PXDNL: variants seen among roughly 807,000 people sequenced by gnomAD.
The protein encoded by PXDNL is probable oxidoreductase PXDNL.
Under a neutral mutation model 150.8 loss-of-function variants are expected in PXDNL, and 145 were observed. That is an observed-to-expected ratio of 0.96 (90% CI 0.84 to 1.10). The LOEUF is 1.10. Among genes scored for constraint, PXDNL ranks in the 50% least tolerant of loss-of-function variants. PXDNL has a pLI of 0.00. For synonymous variants in PXDNL, 757 were observed against 725.7 expected, an observed-to-expected ratio of 1.04 and a Z score of -0.69; for missense variants, 2,087 against 1,873.9, an observed-to-expected ratio of 1.11 and a Z score of -2.10.
At chr8:51,564,385 G>A (rs530276042) in intron 3 of PXDNL, among the ~76,000 whole-genome samples, 36 of 151,656 alleles carry the variant, frequency 2.4e-4, no homozygotes, top group Non-Finnish European at 3.4e-4. Flanking sequence ...TTTTATTTTC[G>A]GTTCTGAGGG....
At chr8:51,389,432 T>C (rs560710243) in intron 17 of PXDNL, among the ~76,000 whole-genome samples, 1 of 152,328 alleles carries the variant, frequency 6.6e-6, no homozygotes, top group African/African-American at 2.4e-5. Context: ...TCCTCTTTCC[T>C]GATGGGAAGG....
At chr8:51,397,731 A>G (rs1225855218) in intron 17 of PXDNL, among the ~76,000 whole-genome samples, 1 of 152,142 alleles carries the variant, frequency 6.6e-6, no homozygotes, top group Non-Finnish European at 1.5e-5. Flanking sequence ...TGCTGTGAAC[A>G]CTCAGGTCTA....
At chr8:51,449,514 G>A (rs1173545626) in intron 10 of PXDNL, among the ~76,000 whole-genome samples, 2 of 152,176 alleles carry the variant, frequency 1.3e-5, no homozygotes, top group South Asian at 2.1e-4. Flanking sequence ...AATTTGAAAC[G>A]AGTTGATCTT....
chr8:51,391,029 AATG>A (rs1295776380), intron 17 of PXDNL, among the ~76,000 whole-genome samples: 1 of 152,088 alleles, frequency 6.6e-6, no homozygotes, highest in Non-Finnish European at 1.5e-5. Flanking sequence ...GTTTACTGAG[AATG>A]ATGATTTCCA....
chr8:51,720,654 G>A (rs889014246), intron 1 of PXDNL, among the ~76,000 whole-genome samples: 3 of 152,346 alleles, frequency 2.0e-5, no homozygotes, highest in East Asian at 1.9e-4. Context: ...AAGTTTATCA[G>A]ATTAATTTAA....
chr8:51,637,876 A>T (rs1022561779), intron 2 of PXDNL, among the ~76,000 whole-genome samples: 2 of 152,192 alleles, frequency 1.3e-5, no homozygotes, highest in African/African-American at 4.8e-5. Flanking sequence ...CCTCAAGAAG[A>T]GCAACTCCAA....
chr8:51,500,181 G>A (rs1811152140), intron 4 of PXDNL, among the ~76,000 whole-genome samples: 1 of 152,230 alleles, frequency 6.6e-6, no homozygotes, highest in Admixed American at 6.5e-5. Flanking sequence ...AGAACAGGGA[G>A]AAGTGTCCTG....
At chr8:51,570,664 C>T (rs1322318699) in intron 3 of PXDNL, among the ~76,000 whole-genome samples, 1 of 151,824 alleles carries the variant, frequency 6.6e-6, no homozygotes, top group Non-Finnish European at 1.5e-5. Context: ...GTCCCCTGTC[C>T]TTTTATCCAC....
intron 1 of PXDNL, among the ~76,000 whole-genome samples, chr8:51,742,879 C>A (rs1269368482): frequency 1.3e-5 from 2 of 152,106 alleles, no homozygotes; most frequent in Non-Finnish European, 2.9e-5. Flanking sequence ...TAAAGACAAT[C>A]AAATGCAGCA....
intron 17 of PXDNL, among the ~76,000 whole-genome samples, chr8:51,403,544 T>G (rs1362435637): frequency 6.6e-6 from 1 of 152,216 alleles, no homozygotes; most frequent in Non-Finnish European, 1.5e-5. Context: ...AGGATTGGAC[T>G]CCTTGGTGCA....
At chr8:51,398,427 G>A (rs1207594641) in intron 17 of PXDNL, among the ~76,000 whole-genome samples, 6 of 152,312 alleles carry the variant, frequency 3.9e-5, no homozygotes, top group Non-Finnish European at 8.8e-5. Context: ...GGTATACACA[G>A]GGCAACTGCT....
intron 1 of PXDNL, among the ~76,000 whole-genome samples, chr8:51,743,014 A>G (rs949107838): frequency 6.6e-6 from 1 of 152,236 alleles, no homozygotes; most frequent in Non-Finnish European, 1.5e-5. Context: ...ATTCAGTTCC[A>G]GTAAACTATT....
chr8:51,729,872 C>A (rs573645268), intron 1 of PXDNL, among the ~76,000 whole-genome samples: 3 of 152,102 alleles, frequency 2.0e-5, no homozygotes, highest in African/African-American at 7.2e-5. Context: ...GTGAAAGAAG[C>A]CAATCTGAAA....
chr8:51,603,191 T>C (rs966768943), intron 2 of PXDNL, among the ~76,000 whole-genome samples: 3 of 151,908 alleles, frequency 2.0e-5, no homozygotes, highest in African/African-American at 7.2e-5. Context: ...ATTTTACTCT[T>C]TATATAGGAT....
chr8:51,619,723 C>T (rs913166905), intron 2 of PXDNL, among the ~76,000 whole-genome samples: 1 of 152,196 alleles, frequency 6.6e-6, no homozygotes, highest in African/African-American at 2.4e-5. Flanking sequence ...GCTTCCTGTA[C>T]AACCTACAGA....
chr8:51,606,982 C>A (rs1218248577), intron 2 of PXDNL, among the ~76,000 whole-genome samples: 1 of 152,120 alleles, frequency 6.6e-6, no homozygotes, highest in Non-Finnish European at 1.5e-5. Context: ...TAAAAATGCC[C>A]TATAACCCAG....
chr8:51,661,334 A>G (rs1379885962), intron 1 of PXDNL, among the ~76,000 whole-genome samples: 2 of 152,182 alleles, frequency 1.3e-5, no homozygotes, highest in Admixed American at 6.5e-5. Flanking sequence ...TTAGGGATCA[A>G]CTTGGCTAGG....
chr8:51,500,516 C>A (rs1811157615), intron 4 of PXDNL, among the ~76,000 whole-genome samples: 1 of 152,190 alleles, frequency 6.6e-6, no homozygotes, highest in African/African-American at 2.4e-5. Context: ...TGAAGCAAAT[C>A]TTCCCAACAG....
At chr8:51,782,289 G>T in intron 1 of PXDNL, among the ~76,000 whole-genome samples, 1 of 152,256 alleles carries the variant, frequency 6.6e-6, no homozygotes, top group Non-Finnish European at 1.5e-5. Flanking sequence ...AGCACCTCCA[G>T]GTTCAAGGAG....
Sources: allele counts gnomAD v4.1 joint callset (sites outside exome capture counted in the v4.1 genomes callset), GRCh38; gene constraint gnomAD v4.1.1; transcripts MANE v1.5; gene names NCBI Gene and HGNC (gene_info 2026-07-23, HGNC 2026-07-21).